Variants in PPARGC1A observed in about 807,000 individuals in gnomAD.
PPARGC1A encodes peroxisome proliferator-activated receptor gamma coactivator 1-alpha.
In PPARGC1A, 25 loss-of-function variants were observed where a neutral mutation model predicts 88.7. That is an observed-to-expected ratio of 0.28 (90% CI 0.21 to 0.39). The LOEUF (loss-of-function observed/expected upper bound fraction) is 0.39. Among genes scored for constraint, PPARGC1A ranks in the 10% least tolerant of loss-of-function variants. The pLI is 1.00. For missense variants in PPARGC1A, 880 were observed against 968.7 expected (o/e 0.91, Z 1.22); for synonymous variants, 363 against 355.6 (o/e 1.02, Z -0.24).
At chr4:24,387,928 A>AAGGGAGAGGG in the PPARGC1A span, among the ~76,000 whole-genome samples, 1 of 79,644 alleles carries the variant, frequency 1.3e-5, no homozygotes, top group African/African-American at 4.6e-5. Flanking sequence ...GAAAGAAAGA[A>AAGGGAGAGGG]AGAAAGAGAA....
At chr4:23,889,092 CT>C (rs1717399044) in intron 1 of PPARGC1A, 6 of 985,274 alleles carry the variant, frequency 6.1e-6, no homozygotes, top group Admixed American at 6.2e-5. Flanking sequence ...ATTTTCCCCC[CT>C]GTATGAATTG....
the PPARGC1A span, among the ~76,000 whole-genome samples, chr4:23,956,322 T>G: frequency 6.6e-6 from 1 of 152,078 alleles, no homozygotes; most frequent in Non-Finnish European, 1.5e-5. Context: ...AAGTTCTAGA[T>G]TTCTAACAAG....
the PPARGC1A span, among the ~76,000 whole-genome samples, chr4:24,438,521 A>C: frequency 7.9e-5 from 12 of 152,184 alleles, no homozygotes; most frequent in African/African-American, 2.9e-4. Flanking sequence ...TTTATTCATC[A>C]TCCTTGTGTT....
chr4:24,184,365 G>A, the PPARGC1A span, among the ~76,000 whole-genome samples: 50 of 152,198 alleles, frequency 3.3e-4, no homozygotes, highest in Non-Finnish European at 3.4e-4. Flanking sequence ...TTTCTTTCCC[G>A]CCTCCCATGG....
chr4:24,087,225 A>T, the PPARGC1A span, among the ~76,000 whole-genome samples: 1 of 152,166 alleles, frequency 6.6e-6, no homozygotes, highest in East Asian at 1.9e-4. Flanking sequence ...CCAATCTCTT[A>T]TTCTCCCTCT....
At chr4:23,798,021 T>C (rs531541563) in intron 12 of PPARGC1A, among the ~76,000 whole-genome samples, 2 of 152,232 alleles carry the variant, frequency 1.3e-5, no homozygotes, top group South Asian at 4.2e-4. Context: ...TCCTGGCTCA[T>C]CCTGGCTCAA....
chr4:23,840,115 C>A (rs545326711), intron 2 of PPARGC1A, among the ~76,000 whole-genome samples: 72 of 152,234 alleles, frequency 4.7e-4, no homozygotes, highest in African/African-American at 1.7e-3. Context: ...TCTGACCAAA[C>A]CCTCCGTGGC....
chr4:24,245,925 GCACACACACACACA>G, the PPARGC1A span, among the ~76,000 whole-genome samples: 6 of 148,384 alleles, frequency 4.0e-5, no homozygotes, highest in African/African-American at 5.0e-5. Context: ...AAAGCCATGT[GCACACACACACACA>G]CACACACACA....
At chr4:23,836,642 T>C (rs1160290238) in intron 2 of PPARGC1A, among the ~76,000 whole-genome samples, 1 of 152,248 alleles carries the variant, frequency 6.6e-6, no homozygotes, top group Non-Finnish European at 1.5e-5. Context: ...TGAGTCCCTC[T>C]ATGACCTGTA....
At chr4:24,077,220 C>T in the PPARGC1A span, among the ~76,000 whole-genome samples, 1 of 152,132 alleles carries the variant, frequency 6.6e-6, no homozygotes, top group Non-Finnish European at 1.5e-5. Flanking sequence ...GTCTGGACCT[C>T]TTATTCCCTA....
chr4:24,124,558 G>A, the PPARGC1A span, among the ~76,000 whole-genome samples: 3 of 152,162 alleles, frequency 2.0e-5, no homozygotes, highest in Admixed American at 1.3e-4. Context: ...CCTAAGCTAT[G>A]CGTCTTTGCC....
chr4:23,926,143 C>A, the PPARGC1A span, among the ~76,000 whole-genome samples: 2 of 152,168 alleles, frequency 1.3e-5, no homozygotes, highest in Non-Finnish European at 2.9e-5. Context: ...TGGCTCATCT[C>A]ATTGCCTCTC....
At chr4:24,021,939 A>T in the PPARGC1A span, among the ~76,000 whole-genome samples, 11 of 152,206 alleles carry the variant, frequency 7.2e-5, no homozygotes, top group Non-Finnish European at 1.6e-4. Context: ...TAAATAGATG[A>T]TGCAAGAGCT....
At chr4:23,937,245 A>G in the PPARGC1A span, among the ~76,000 whole-genome samples, 1 of 151,962 alleles carries the variant, frequency 6.6e-6, no homozygotes, top group Admixed American at 6.6e-5. Flanking sequence ...TACAAGTGAA[A>G]TCTGCCTTTC....
the PPARGC1A span, among the ~76,000 whole-genome samples, chr4:24,163,373 G>A: frequency 6.6e-6 from 1 of 151,870 alleles, no homozygotes; most frequent in African/African-American, 2.4e-5. Context: ...ACCTCATAGA[G>A]CAGTCCTGAA....
the PPARGC1A span, among the ~76,000 whole-genome samples, chr4:24,318,208 C>T: frequency 0.26 from 39,433 of 152,076 alleles, 5,353 homozygotes; most frequent in African/African-American, 0.33. Flanking sequence ...GGTATAGTGA[C>T]GAAAGCACTG....
chr4:24,214,929 A>G, the PPARGC1A span, among the ~76,000 whole-genome samples: 1 of 152,216 alleles, frequency 6.6e-6, no homozygotes, highest in African/African-American at 2.4e-5. Flanking sequence ...TGCAAACACC[A>G]AGTATGTTGC....
the PPARGC1A span, among the ~76,000 whole-genome samples, chr4:24,452,184 T>C: frequency 2.6e-5 from 4 of 151,566 alleles, no homozygotes; most frequent in Admixed American, 2.6e-4. Context: ...GATTTTGGAC[T>C]TACCAAGCCT....
chr4:24,110,476 G>A, the PPARGC1A span, among the ~76,000 whole-genome samples: 2 of 152,070 alleles, frequency 1.3e-5, no homozygotes, highest in Non-Finnish European at 2.9e-5. Flanking sequence ...ACCAACTCCT[G>A]TCCCAGCTCT....
Sources: gnomAD v4.1 joint callset for allele counts (sites outside exome capture counted in the v4.1 genomes callset) on GRCh38, gnomAD v4.1.1 for gene constraint, MANE v1.5 for transcripts, NCBI Gene and HGNC (gene_info 2026-07-23, HGNC 2026-07-21) for gene names.